Variants in ZZZ3 observed in about 807,000 individuals in gnomAD.
ZZZ3 encodes zinc finger ZZ-type containing 3.
In ZZZ3, 22 loss-of-function variants were observed where a neutral mutation model predicts 95.2. The ratio of observed to expected loss-of-function variants is 0.23; its 90% confidence interval spans 0.17 to 0.33. The LOEUF (loss-of-function observed/expected upper bound fraction) is 0.33, where lower values mean the gene tolerates loss of function less well. Ranked by LOEUF, ZZZ3 falls within the 10% of genes least tolerant of loss-of-function variation. The probability of loss-of-function intolerance (pLI) is 1.00; values close to 1 mark genes in which losing one functional copy is unlikely to be tolerated. For synonymous variants in ZZZ3, 335 were observed against 358.9 expected (o/e 0.93, Z 0.75); for missense variants, 885 against 1,066.5 (o/e 0.83, Z 2.37).
At chr1:77,669,570 G>A (rs1015214565) in intron 1 of ZZZ3, among the ~76,000 whole-genome samples, 7 of 148,630 alleles carry the variant, frequency 4.7e-5, no homozygotes, top group African/African-American at 1.7e-4. Flanking sequence ...CGATTCTCCT[G>A]CCACAGCCTC....
At chr1:77,618,673 C>T (rs1666569942) in intron 5 of ZZZ3, among the ~76,000 whole-genome samples, 1 of 152,116 alleles carries the variant, frequency 6.6e-6, no homozygotes, top group Non-Finnish European at 1.5e-5. Flanking sequence ...GTTTGAGATA[C>T]TCTGAGTGAA....
rs1194022706 is a variant in ZZZ3 at position 77,639,474 on chromosome 1, T to C, written c.-77A>G. The C allele has an allele frequency of 6.6e-7, 1 of 1,517,090 alleles. No homozygotes were observed. The highest frequency in any genetic ancestry group is 8.8e-7 in the Non-Finnish European group (1 of 1,131,632). The allele number at this position is 1,517,090 out of a possible 1,614,324, so 94.0% of individuals were successfully genotyped here. On this transcript the variant is annotated 5_prime_UTR_variant, in exon 4 of 15. Coordinates refer to ENST00000370801, the MANE Select transcript of ZZZ3 (RefSeq NM_015534.6). ...CTGTACAACCAAAGATCTATCATTGTGGAAATATAATCTCTTTTCCTTATA... is the reference window on the plus strand; with the variant it reads ...CTGTACAACCAAAGATCTATCATTGCGGAAATATAATCTCTTTTCCTTATA...
chr1:77,583,941 T>C (rs1479381984), intron 6 of ZZZ3, among the ~76,000 whole-genome samples: 1 of 152,190 alleles, frequency 6.6e-6, no homozygotes, highest in Non-Finnish European at 1.5e-5. Flanking sequence ...ACACGAAAGT[T>C]CTGTTTTCAG....
chr1:77,565,483 G>C lies in ZZZ3; in HGVS notation c.*157C>G. ...CTGAACAGTGATCTAGAGCCACAAC[G>C]GTGCAGAGCTGTACTTGACGAGAAC... On this transcript the variant is annotated 3_prime_UTR_variant, in exon 15 of 15. Transcript: ENST00000370801. 1 of 667,698 alleles carries C rather than the reference G, an allele frequency of 1.5e-6. No individual in the cohort carries two copies. Among genetic ancestry groups the C allele is most frequent in the Non-Finnish European group, 2.4e-6 (1 of 412,738 alleles). The allele number at this position is 667,698 out of a possible 1,614,324, so 41.4% of individuals were successfully genotyped here.
intron 3 of ZZZ3, chr1:77,640,849 G>T (rs1156287003): frequency 6.6e-6 from 1 of 152,094 alleles, no homozygotes; most frequent in Non-Finnish European, 1.5e-5. Flanking sequence ...AATAAAAATA[G>T]GTTACTGCTC....
chr1:77,616,612 C>T (rs1264838648), intron 5 of ZZZ3, among the ~76,000 whole-genome samples: 1 of 152,176 alleles, frequency 6.6e-6, no homozygotes, highest in Non-Finnish European at 1.5e-5. Flanking sequence ...CGCCTGTAAT[C>T]CCAGTACTTT....
chr1:77,672,123 G>C (rs1255915903), intron 1 of ZZZ3, among the ~76,000 whole-genome samples: 1 of 152,196 alleles, frequency 6.6e-6, no homozygotes, highest in African/African-American at 2.4e-5. Flanking sequence ...CCGAAGGAAA[G>C]CGAAACTGAA....
intron 4 of ZZZ3, 80 bp from the exon 5 acceptor site, chr1:77,633,485 T>A: frequency 2.3e-6 from 2 of 855,672 alleles, no homozygotes; most frequent in Non-Finnish European, 3.5e-6. Context: ...TATAACTTTT[T>A]AATCCAAGTA....
At chr1:77,630,056 A>C (rs1667658338) in intron 5 of ZZZ3, among the ~76,000 whole-genome samples, 1 of 152,258 alleles carries the variant, frequency 6.6e-6, no homozygotes, top group South Asian at 2.1e-4. Context: ...GACTAAAACA[A>C]TAAAAAGCAA....
At chr1:77,583,666 T>C (rs1662762220) in intron 6 of ZZZ3, among the ~76,000 whole-genome samples, 1 of 152,144 alleles carries the variant, frequency 6.6e-6, no homozygotes, top group South Asian at 2.1e-4. Flanking sequence ...CTTTTGTAAC[T>C]CACTAAAAAC....
At chr1:77,567,448 T>A (rs976329402) in intron 13 of ZZZ3, among the ~76,000 whole-genome samples, 3 of 152,206 alleles carry the variant, frequency 2.0e-5, no homozygotes, top group Non-Finnish European at 4.4e-5. Context: ...ATAGTTTAAG[T>A]AACTAGAATG....
chr1:77,592,927 G>T (rs1289579816), intron 5 of ZZZ3, among the ~76,000 whole-genome samples: 3 of 152,162 alleles, frequency 2.0e-5, no homozygotes, highest in Non-Finnish European at 4.4e-5. Flanking sequence ...ACGAGGTAAA[G>T]ATCCACAAGA....
chr1:77,571,796 T>A (rs1045898504), intron 12 of ZZZ3, among the ~76,000 whole-genome samples: 1 of 152,166 alleles, frequency 6.6e-6, no homozygotes, highest in Admixed American at 6.6e-5. Context: ...GCTGGGGAGA[T>A]GTTTAATACA....
intron 5 of ZZZ3, among the ~76,000 whole-genome samples, chr1:77,591,461 C>T (rs1468242062): frequency 6.6e-6 from 1 of 152,182 alleles, no homozygotes; most frequent in Non-Finnish European, 1.5e-5. Context: ...CCCACCCCAG[C>T]CTCCCAAGTA....
intron 13 of ZZZ3, among the ~76,000 whole-genome samples, 181 bp from the exon 14 acceptor site, chr1:77,566,362 T>G (rs1660827593): frequency 6.6e-6 from 1 of 152,184 alleles, no homozygotes; most frequent in Non-Finnish European, 1.5e-5. Flanking sequence ...CTAGGTAAAA[T>G]TCCATCCACT....
Position 77,565,756 on chromosome 1 carries a change from C to T in ZZZ3, c.2596G>A (p.Asp866Asn). ...CTATAAATAGGTTCTAATTGGTGAT[C>T]TTCCTTGTGAATATCTGTTTCATGT... The part of the protein sequence containing the change: ...CLHETDIHKE[D>N]HQLEPIYRSE... Residue 866 changes from aspartate (D) to asparagine (N), a missense_variant, in exon 15 of 15, where the codon GAT (aspartate) becomes AAT (asparagine). Coordinates refer to ENST00000370801, the MANE Select transcript of ZZZ3 (RefSeq NM_015534.6). 1.2e-6 allele frequency: 2 copies of T among 1,613,428 alleles called. No homozygotes were observed. The highest frequency in any genetic ancestry group is 1.7e-6 in the Non-Finnish European group (2 of 1,179,648).
At chr1:77,612,084 T>C (rs1665869165) in intron 5 of ZZZ3, among the ~76,000 whole-genome samples, 1 of 151,960 alleles carries the variant, frequency 6.6e-6, no homozygotes, top group Non-Finnish European at 1.5e-5. Context: ...GATAAGGGAT[T>C]AGTATCTAAA....
At chr1:77,568,494 G>A in intron 12 of ZZZ3, 28 bp from the exon 13 acceptor site, 1 of 987,864 alleles carries the variant, frequency 1.0e-6, no homozygotes, top group South Asian at 1.6e-5. Context: ...AAAAAAAAAT[G>A]TTGGTTTGGT....
At chr1:77,650,042 A>G (rs902102127) in intron 1 of ZZZ3, among the ~76,000 whole-genome samples, 3 of 152,228 alleles carry the variant, frequency 2.0e-5, no homozygotes, top group Non-Finnish European at 4.4e-5. Context: ...GTAAAGTGGT[A>G]TAACAGCACT....
Sources: allele counts gnomAD v4.1 joint callset (sites outside exome capture counted in the v4.1 genomes callset), GRCh38; gene constraint gnomAD v4.1.1; transcripts MANE v1.5; gene names NCBI Gene and HGNC (gene_info 2026-07-23, HGNC 2026-07-21).